Variants in CDH2 observed in about 807,000 individuals in gnomAD.
CDH2 encodes the protein cadherin-2.
Under a neutral mutation model 92.0 loss-of-function variants are expected in CDH2, and 17 were observed. That is an observed-to-expected ratio of 0.18 (90% CI 0.13 to 0.28). The LOEUF (loss-of-function observed/expected upper bound fraction) is 0.28, where lower values mean the gene tolerates loss of function less well. Ranked by LOEUF, CDH2 falls within the 10% of genes least tolerant of loss-of-function variation. CDH2 has a pLI of 1.00. For missense variants in CDH2, 862 were observed against 1,133.1 expected, an observed-to-expected ratio of 0.76 and a Z score of 3.44; for synonymous variants, 419 against 415.9, an observed-to-expected ratio of 1.01 and a Z score of -0.09.
chr18:28,116,381 C>G (rs1437642700), intron 2 of CDH2, among the ~76,000 whole-genome samples: 1 of 152,112 alleles, frequency 6.6e-6, no homozygotes, highest in Non-Finnish European at 1.5e-5. Flanking sequence ...ATTTTTGAAT[C>G]ATGTTTTAAA....
chr18:27,936,068 T>G (rs1909011495), intron 6 of CDH2, among the ~76,000 whole-genome samples: 1 of 152,218 alleles, frequency 6.6e-6, no homozygotes, highest in Admixed American at 6.5e-5. Flanking sequence ...TTTATGTTTT[T>G]CATTTCACTT....
intron 6 of CDH2, 106 bp from the exon 7 acceptor site, chr18:28,003,275 AAC>A: frequency 1.3e-6 from 1 of 798,998 alleles, no homozygotes; most frequent in South Asian, 2.2e-5. Flanking sequence ...ACTTTTTAAA[AAC>A]AAATATTTAA....
intron 2 of CDH2, among the ~76,000 whole-genome samples, chr18:28,062,404 C>T (rs867627556): frequency 1.3e-5 from 2 of 152,038 alleles, no homozygotes; most frequent in African/African-American, 2.4e-5. Flanking sequence ...ATATATTCAG[C>T]TGGAGTCAAT....
chr18:28,007,983 C>G (rs1340275940), intron 5 of CDH2, among the ~76,000 whole-genome samples: 2 of 152,156 alleles, frequency 1.3e-5, no homozygotes, highest in African/African-American at 4.8e-5. Flanking sequence ...AGCCACCAGC[C>G]TTGGCCTCCC....
intron 13 of CDH2, among the ~76,000 whole-genome samples, chr18:27,984,152 T>C (rs1444875747): frequency 1.3e-5 from 2 of 152,196 alleles, no homozygotes. Flanking sequence ...AGTAATTGCT[T>C]AGAATAAAGG....
At chr18:28,175,146 G>A (rs1278581924) in intron 1 of CDH2, among the ~76,000 whole-genome samples, 1 of 152,196 alleles carries the variant, frequency 6.6e-6, no homozygotes, top group East Asian at 1.9e-4. Context: ...AGGAGTGTGC[G>A]CTGGGAGAAT....
chr18:28,045,348 C>A (rs1474438373), intron 2 of CDH2: 2 of 451,632 alleles, frequency 4.4e-6, no homozygotes, highest in Non-Finnish European at 9.1e-6. Flanking sequence ...CTTTGTAAAA[C>A]CCAAAGCTTA....
chr18:28,166,195 A>G (rs2016382748), intron 1 of CDH2, among the ~76,000 whole-genome samples: 1 of 57,698 alleles, frequency 1.7e-5, no homozygotes, highest in East Asian at 5.4e-4. Context: ...AATTATGAAG[A>G]ATCAAGACTT....
At chr18:27,994,179 A>G (rs1280161789) in intron 7 of CDH2, among the ~76,000 whole-genome samples, 2 of 152,230 alleles carry the variant, frequency 1.3e-5, no homozygotes, top group Admixed American at 6.5e-5. Flanking sequence ...ATTCAAAACC[A>G]TATAGAAGAG....
At chr18:28,044,238 T>A (rs904170946) in intron 2 of CDH2, among the ~76,000 whole-genome samples, 5 of 151,990 alleles carry the variant, frequency 3.3e-5, no homozygotes, top group African/African-American at 1.2e-4. Context: ...TGAACAGAGG[T>A]AAATAAAGAC....
chr18:27,959,183 A>C (rs564761961), intron 15 of CDH2, among the ~76,000 whole-genome samples: 1 of 152,338 alleles, frequency 6.6e-6, no homozygotes, highest in African/African-American at 2.4e-5. Context: ...CACTCCCTGA[A>C]GGTCATGTTT....
chr18:27,969,206 T>C (rs955424518), intron 14 of CDH2, among the ~76,000 whole-genome samples: 1 of 152,196 alleles, frequency 6.6e-6, no homozygotes, highest in Non-Finnish European at 1.5e-5. Flanking sequence ...GATTGAACCA[T>C]AAACCTAATA....
intron 2 of CDH2, among the ~76,000 whole-genome samples, chr18:28,140,262 A>T (rs2015930848): frequency 6.6e-6 from 1 of 152,072 alleles, no homozygotes; most frequent in African/African-American, 2.4e-5. Flanking sequence ...ATGGATTTTT[A>T]GATACAATAT....
In CDH2 at chr18:28,136,681, C is replaced by T. The variant is rs114851659; in HGVS notation, c.172+10992G>A. Among the ~76,000 whole-genome samples the T allele has an allele frequency of 1.8e-3, 269 of 152,208 alleles. 2 individuals carry two copies. Among genetic ancestry groups the T allele is most frequent in the African/African-American group, 6.2e-3 (257 of 41,544 alleles). ...GAAAGAAGACTTAATTTATAACCTC[C>T]AAAGTACAACACCTCCAAAAATCCA... is the stretch of plus-strand genomic sequence containing the variant. On this transcript the variant is annotated intron_variant, in intron 2 of 15. Coordinates refer to ENST00000269141, the MANE Select transcript of CDH2 (RefSeq NM_001792.5).
intron 2 of CDH2, among the ~76,000 whole-genome samples, chr18:28,033,607 C>T (rs1424096131): frequency 6.6e-6 from 1 of 151,942 alleles, no homozygotes; most frequent in Non-Finnish European, 1.5e-5. Context: ...TTTTCTGATC[C>T]CATTGGTTTG....
At chr18:27,986,804 A>G (rs1036618646) in intron 11 of CDH2, among the ~76,000 whole-genome samples, 2 of 152,172 alleles carry the variant, frequency 1.3e-5, no homozygotes, top group African/African-American at 4.8e-5. Context: ...TTCCAACACC[A>G]CCATGACCAC....
At chr18:27,983,150 T>A in intron 13 of CDH2, 67 bp from the exon 14 acceptor site, 1 of 1,199,376 alleles carries the variant, frequency 8.3e-7, no homozygotes, top group Non-Finnish European at 1.2e-6. Context: ...TTAGTCACAG[T>A]ATTCAGTACT....
chr18:27,977,347 G>A (rs541149666), intron 14 of CDH2, among the ~76,000 whole-genome samples: 24 of 152,122 alleles, frequency 1.6e-4, no homozygotes, highest in South Asian at 6.2e-4. Context: ...AAAAGATATC[G>A]GAGTAGTTGT....
chr18:28,120,882 G>A (rs984833526), intron 2 of CDH2, among the ~76,000 whole-genome samples: 1 of 152,070 alleles, frequency 6.6e-6, no homozygotes, highest in African/African-American at 2.4e-5. Flanking sequence ...TAAACTCTTA[G>A]GTAAGGGTTT....
Sources: gnomAD v4.1 joint callset for allele counts (sites outside exome capture counted in the v4.1 genomes callset) on GRCh38, gnomAD v4.1.1 for gene constraint, MANE v1.5 for transcripts, NCBI Gene and HGNC (gene_info 2026-07-23, HGNC 2026-07-21) for gene names.